Variants in CDKL1 observed in about 807,000 individuals in gnomAD.
CDKL1 encodes cyclin dependent kinase like 1.
CDKL1 carries 41 observed loss-of-function variants against 42.0 expected under a neutral mutation model. That is an observed-to-expected ratio of 0.98 (90% CI 0.76 to 1.27). CDKL1 has a LOEUF of 1.27. CDKL1 is among the 50% of genes most tolerant of loss of function. The pLI is 0.00. For synonymous variants in CDKL1, 153 were observed against 158.6 expected, an observed-to-expected ratio of 0.96 and a Z score of 0.26; for missense variants, 394 against 428.4, an observed-to-expected ratio of 0.92 and a Z score of 0.71.
chr14:50,381,551 C>T (rs560485256), intron 2 of CDKL1, among the ~76,000 whole-genome samples: 12 of 152,256 alleles, frequency 7.9e-5, no homozygotes, highest in African/African-American at 2.6e-4. Flanking sequence ...GTGATGTGCA[C>T]CGTGGATGCT....
intron 5 of CDKL1, 77 bp downstream of exon 5, chr14:50,342,055 T>A: frequency 8.8e-7 from 1 of 1,131,776 alleles, no homozygotes; most frequent in Non-Finnish European, 1.3e-6. Context: ...TGTATACTTC[T>A]AGAGCATTTA....
intron 7 of CDKL1, among the ~76,000 whole-genome samples, chr14:50,337,197 C>G (rs1483226752): frequency 1.3e-5 from 2 of 151,768 alleles, no homozygotes; most frequent in East Asian, 3.9e-4. Flanking sequence ...TTAGTAGAGA[C>G]AGGGTTTCAT....
intron 2 of CDKL1, among the ~76,000 whole-genome samples, chr14:50,366,957 A>T (rs1267723298): frequency 8.5e-5 from 13 of 152,204 alleles, no homozygotes; most frequent in Admixed American, 8.5e-4. Context: ...TATGTCAGCC[A>T]GAGTCTGAGC....
chr14:50,396,149 G>A lies in CDKL1; in HGVS notation c.-281C>T, dbSNP rs1383182936. ...TGCAGTGAGCCGAGATCGCGCCACT[G>A]CACTCCAGCCCGGGCGACAGAGCGA... is the stretch of plus-strand genomic sequence containing the variant. On this transcript the variant is annotated 5_prime_UTR_variant, in exon 2 of 10. Coordinates refer to ENST00000395834, the MANE Select transcript of CDKL1 (RefSeq NM_004196.7). 10 of 995,262 alleles carry A rather than the reference G, an allele frequency of 1.0e-5. No homozygotes were observed. Among genetic ancestry groups the A allele is most frequent in the Non-Finnish European group, 1.2e-5 (10 of 844,832 alleles). The allele number at this position is 995,262 out of a possible 1,614,324, so 61.7% of individuals were successfully genotyped here. A position where few individuals can be genotyped will look rare whatever the true frequency, so the allele number is the denominator to read the frequency against.
At chr14:50,369,947 A>G (rs1471552257) in intron 2 of CDKL1, among the ~76,000 whole-genome samples, 1 of 151,286 alleles carries the variant, frequency 6.6e-6, no homozygotes, top group Non-Finnish European at 1.5e-5. Context: ...GGTTCAAATT[A>G]ATGTTAGGAT....
chr14:50,362,949 T>G (rs1320452882), intron 2 of CDKL1: 1 of 464,198 alleles, frequency 2.2e-6, no homozygotes, highest in African/African-American at 2.0e-5. Flanking sequence ...TAAATCTTGC[T>G]GCTGCTCACG....
intron 3 of CDKL1, among the ~76,000 whole-genome samples, chr14:50,345,517 T>C (rs2033696099): frequency 6.6e-6 from 1 of 152,220 alleles, no homozygotes; most frequent in Non-Finnish European, 1.5e-5. Flanking sequence ...TGTGTGGGCA[T>C]GTGGTCTCTC....
At chr14:50,389,122 A>AG (rs1566612469) in intron 2 of CDKL1, among the ~76,000 whole-genome samples, 4 of 140,144 alleles carry the variant, frequency 2.9e-5, no homozygotes, top group Middle Eastern at 3.6e-3. Flanking sequence ...AAAAAAAAAA[A>AG]AGAGAGAGAA....
chr14:50,328,499 A>G lies in CDKL1; in HGVS notation c.*1575T>C, dbSNP rs1212494296. ...TAACAGGAAGAAAATGAGAGTACAGAAGAAATGTTTTGAAAATAGAGTGAA... is the reference window on the plus strand; with the variant it reads ...TAACAGGAAGAAAATGAGAGTACAGGAGAAATGTTTTGAAAATAGAGTGAA... On this transcript the variant is annotated 3_prime_UTR_variant, in exon 10 of 10. Transcript: ENST00000395834. 6.6e-6 allele frequency: 1 copy of G among 152,188 alleles called. No individual in the cohort carries two copies. The highest frequency in any genetic ancestry group is 2.4e-5 in the African/African-American group (1 of 41,430). The allele number at this position is 152,188 out of a possible 1,614,324, so 9.4% of individuals were successfully genotyped here.
chr14:50,358,667 T>C (rs1439341531), intron 3 of CDKL1, among the ~76,000 whole-genome samples: 1 of 143,476 alleles, frequency 7.0e-6, no homozygotes, highest in African/African-American at 2.6e-5. Context: ...TGAGACAGAG[T>C]CTCACCCTGT....
chr14:50,396,998 C>CCCGGCCGCCG, upstream of CDKL1: 1 of 1,069,036 alleles, frequency 9.4e-7, no homozygotes, highest in South Asian at 1.5e-5. Flanking sequence ...CCCGGCCGCC[C>CCCGGCCGCCG]TCCCGGCTGC....
At chr14:50,361,113 T>C (rs2034234306) in intron 2 of CDKL1, among the ~76,000 whole-genome samples, 1 of 152,172 alleles carries the variant, frequency 6.6e-6, no homozygotes. Flanking sequence ...GGTGATTCAC[T>C]GTGTATCCAG....
intron 7 of CDKL1, chr14:50,335,441 T>C (rs2033212329): frequency 2.6e-6 from 4 of 1,527,316 alleles, no homozygotes; most frequent in Non-Finnish European, 3.5e-6. Flanking sequence ...CACTAGGGCC[T>C]GCTGCTTCCC....
chr14:50,391,113 G>A (rs1014544016), intron 2 of CDKL1, among the ~76,000 whole-genome samples: 4 of 152,136 alleles, frequency 2.6e-5, no homozygotes, highest in African/African-American at 9.7e-5. Context: ...GATTACAAGC[G>A]TGAGCCACCA....
At chr14:50,330,230 T>A (rs768275053) in intron 9 of CDKL1, 49 bp from the exon 10 acceptor site, 29 of 1,572,524 alleles carry the variant, frequency 1.8e-5, no homozygotes, top group Non-Finnish European at 2.5e-5. Flanking sequence ...CCATGCATTT[T>A]TTTCATTATT....
rs1262830716 is a variant in CDKL1 at position 50,329,862 on chromosome 14, C to G, written c.*212G>C. ...ACTGAAATACAAGTGCAACTCCAAA[C>G]AGGTTTTTTCTTTTCTGGACACCAT... On this transcript the variant is annotated 3_prime_UTR_variant, in exon 10 of 10. Coordinates refer to ENST00000395834, the MANE Select transcript of CDKL1 (RefSeq NM_004196.7). 1 of 541,610 alleles carries G rather than the reference C, an allele frequency of 1.8e-6. No individual in the cohort carries two copies. The highest frequency in any genetic ancestry group is 2.0e-5 in the African/African-American group (1 of 50,652). 33.6% of individuals were successfully genotyped at this position (541,610 alleles called of 1,614,324 possible).
At position 50,331,980 on chromosome 14, in the gene CDKL1, GACTCAT is replaced by G. The variant is rs1441749536; in HGVS notation, c.966+276_966+281del. On this transcript the variant is annotated intron_variant, in intron 9 of 9. Coordinates refer to ENST00000395834, the MANE Select transcript of CDKL1 (RefSeq NM_004196.7). The stretch of plus-strand genomic sequence containing the variant: ...AAAGCCCAAAAAGTCTCCTTAGCTG[GACTCAT>G]ACTCATGTACCTTGTTGAGACCTGT... 8 of 1,480,614 alleles carry G rather than the reference GACTCAT, an allele frequency of 5.4e-6. No individual in the cohort carries two copies. The East Asian group carries it at 2.0e-4, about 36-fold the overall frequency. The allele number at this position is 1,480,614 out of a possible 1,614,324, so 91.7% of individuals were successfully genotyped here.
intron 2 of CDKL1, among the ~76,000 whole-genome samples, chr14:50,375,743 G>A (rs1466360706): frequency 1.3e-5 from 2 of 152,062 alleles, no homozygotes; most frequent in Non-Finnish European, 2.9e-5. Flanking sequence ...GTTGTAGTGA[G>A]TCGAGATGGT....
chr14:50,344,372 A>G lies in CDKL1; in HGVS notation c.363+614T>C, dbSNP rs977225428. Among the ~76,000 whole-genome samples, 14 of 152,286 alleles carry G rather than the reference A, an allele frequency of 9.2e-5. No individual in the cohort carries two copies. The East Asian group carries it at 1.7e-3, about 19-fold the overall frequency. ...CCCAATTTCATAGCCTTTTGGGAGT[A>G]CAAGACCACATAGACTCCAAGTGAA... On this transcript the variant is annotated intron_variant, in intron 4 of 9. Coordinates refer to ENST00000395834, the MANE Select transcript of CDKL1 (RefSeq NM_004196.7).
Sources: allele counts gnomAD v4.1 joint callset (sites outside exome capture counted in the v4.1 genomes callset), GRCh38; gene constraint gnomAD v4.1.1; transcripts MANE v1.5; gene names NCBI Gene and HGNC (gene_info 2026-07-23, HGNC 2026-07-21).